The following PLEKHG4B variants were observed in gnomAD, a reference collection of about 807,000 sequenced individuals.
The protein encoded by PLEKHG4B is pleckstrin homology and RhoGEF domain containing G4B.
Under a neutral mutation model 121.3 loss-of-function variants are expected in PLEKHG4B, and 111 were observed. That is an observed-to-expected ratio of 0.92 (90% CI 0.78 to 1.07). The LOEUF (loss-of-function observed/expected upper bound fraction) is 1.07. PLEKHG4B is among the 50% of genes least tolerant of loss of function. PLEKHG4B has a pLI of 0.00. For synonymous variants in PLEKHG4B, 738 were observed against 725.0 expected (o/e 1.02, Z -0.29); for missense variants, 1,831 against 1,757.8 (o/e 1.04, Z -0.74).
chr5:172,299 G>A (rs1011719804), intron 16 of PLEKHG4B, among the ~76,000 whole-genome samples: 1 of 152,214 alleles, frequency 6.6e-6, no homozygotes, highest in Non-Finnish European at 1.5e-5. Flanking sequence ...TCTGCCAACC[G>A]TGCCCGTCAT....
chr5:110,576 G>A (rs1375678769), intron 1 of PLEKHG4B, among the ~76,000 whole-genome samples: 2 of 126,576 alleles, frequency 1.6e-5, no homozygotes, highest in Admixed American at 8.6e-5. Context: ...TGCAACACAC[G>A]CGCACACATC....
chr5:93,500 C>CA (rs56285408), intron 1 of PLEKHG4B, among the ~76,000 whole-genome samples: 3,208 of 152,130 alleles, frequency 0.021, 75 homozygotes, highest in Middle Eastern at 0.071. Flanking sequence ...GAAGTGGGTT[C>CA]ATATTCCTGC....
rs561001194 is a variant in PLEKHG4B, at chr5:137,396, T to C, written c.244-2087T>C. Among the ~76,000 whole-genome samples, 17 of 152,312 alleles carry C rather than the reference T, an allele frequency of 1.1e-4. No individual in the cohort carries two copies. Among genetic ancestry groups the C allele is most frequent in the South Asian group, 6.2e-4 (3 of 4,830 alleles). On this transcript the variant is annotated intron_variant, in intron 2 of 19. Transcript: ENST00000637938. The surrounding 1 kb of genome is among the most constrained non-coding windows in gnomAD (Gnocchi z 4.2). The stretch of plus-strand genomic sequence containing the variant: ...GAACTGTACCCCGTAAACATAGTTA[T>C]GCTGGTGAACTTCACATTATATCTG...
At chr5:128,624 C>T (rs1734690060) in intron 2 of PLEKHG4B, among the ~76,000 whole-genome samples, 1 of 152,168 alleles carries the variant, frequency 6.6e-6, no homozygotes. Context: ...TGAAATTGAC[C>T]ACAATCAACC....
At position 182,221 on chromosome 5, in the gene PLEKHG4B, C is replaced by T. The variant is rs757539301; in HGVS notation, c.4782C>T (p.Cys1594=). ...CCTGGTCATCTGATATCAGAGCCTGCGTCGAGGAAGATGAGCCAGAGCCAG... is the reference window on the plus strand; with the variant it reads ...CCTGGTCATCTGATATCAGAGCCTGTGTCGAGGAAGATGAGCCAGAGCCAG... ...HSPWSSDIRA[C]VEEDEPEPEL... Residue 1594 remains cysteine (C), a synonymous_variant, in exon 20 of 20, where the codon TGC becomes TGT. Transcript: ENST00000637938. 1.2e-5 allele frequency: 20 copies of T among 1,613,784 alleles called. No individual in the cohort carries two copies. Among genetic ancestry groups the T allele is most frequent in the Admixed American group, 5.0e-5 (3 of 60,028 alleles).
rs140454618 is a variant in PLEKHG4B at position 163,541 on chromosome 5, G to A, written c.3469G>A (p.Val1157Met). The stretch of plus-strand genomic sequence containing the variant: ...TGCTGAGGAGGATGGGAGGCAGCAG[G>A]TGGGCAGGTGAGGTGGACGTCCCCC... ...HPAEEDGRQQ[V>M]GSSRLRHIMA... Residue 1157 changes from valine (V) to methionine (M), a missense_variant, in exon 13 of 20, where the codon GTG becomes ATG. Val to Met is a conservative substitution (Grantham distance 21). Coordinates refer to ENST00000637938, the MANE Select transcript of PLEKHG4B (RefSeq NM_052909.5). 1.3e-5 allele frequency: 21 copies of A among 1,591,534 alleles called. No individual in the cohort carries two copies. The highest frequency in any genetic ancestry group is 6.7e-5 in the South Asian group (6 of 89,080).
rs1297756759 is a variant in PLEKHG4B, at chr5:185,537, C to A, written c.*3214C>A. Reference sequence around the variant, plus strand: ...AGGCCGCCCAGGCTCTAGCCACACTCTGGCACTGCCTGGGACAGGTGCCCT... The same window carrying A: ...AGGCCGCCCAGGCTCTAGCCACACTATGGCACTGCCTGGGACAGGTGCCCT... On this transcript the variant is annotated 3_prime_UTR_variant, in exon 20 of 20. Coordinates refer to ENST00000637938, the MANE Select transcript of PLEKHG4B (RefSeq NM_052909.5). 1.3e-5 allele frequency: 2 copies of A among 152,282 alleles called. No homozygotes were observed. The highest frequency in any genetic ancestry group is 2.9e-5 in the Non-Finnish European group (2 of 68,072). 9.4% of individuals were successfully genotyped at this position (152,282 alleles called of 1,614,324 possible). A position where few individuals can be genotyped will look rare whatever the true frequency, so the allele number is the denominator to read the frequency against.
rs147749961 is a variant in PLEKHG4B, at chr5:159,708, C to A, written c.2488-2075C>A. 3.9e-5 allele frequency among the ~76,000 whole-genome samples: 6 copies of A among 152,158 alleles called. No individual in the cohort carries two copies. On this transcript the variant is annotated intron_variant, in intron 11 of 19. Transcript: ENST00000637938. The surrounding 1 kb of genome is among the most constrained non-coding windows in gnomAD (Gnocchi z 5.5). The stretch of plus-strand genomic sequence containing the variant: ...CGCATCTTTAGCATTTTCTCCCTGG[C>A]GGTCTGATTCTTTTCCTCTAATCCC...
rs954959437 is a variant in PLEKHG4B at position 184,573 on chromosome 5, T to C, written c.*2250T>C. 6.6e-6 allele frequency: 1 copy of C among 152,292 alleles called. No homozygotes were observed. The highest frequency in any genetic ancestry group is 1.5e-5 in the Non-Finnish European group (1 of 68,062). 9.4% of individuals were successfully genotyped at this position (152,292 alleles called of 1,614,324 possible). On this transcript the variant is annotated 3_prime_UTR_variant, in exon 20 of 20. Transcript: ENST00000637938. ...CTGCACTACAAGAAATGTTAAATGA[T>C]GTGCTTCAGGGAAAAGAAAAATGAA...
chr5:97,217 C>T (rs1733654446), intron 1 of PLEKHG4B, among the ~76,000 whole-genome samples: 1 of 152,140 alleles, frequency 6.6e-6, no homozygotes, highest in Non-Finnish European at 1.5e-5. Context: ...AAGTCCAAAC[C>T]CCTTACCTGC....
chr5:135,264 A>G (rs920792355), intron 2 of PLEKHG4B, among the ~76,000 whole-genome samples: 12 of 152,020 alleles, frequency 7.9e-5, no homozygotes, highest in African/African-American at 2.9e-4. Flanking sequence ...AAATTTAACT[A>G]AAAAGGTAAA....
intron 6 of PLEKHG4B, among the ~76,000 whole-genome samples, chr5:148,190 A>G (rs1204811259): frequency 3.9e-5 from 6 of 152,106 alleles, no homozygotes; most frequent in African/African-American, 7.2e-5. Context: ...GCCCACTTCT[A>G]TTCAACATAT....
At chr5:144,730 A>G (rs971270035) in intron 5 of PLEKHG4B, 97 bp from the exon 6 acceptor site, 29 of 1,069,270 alleles carry the variant, frequency 2.7e-5, no homozygotes, top group Middle Eastern at 2.0e-4. Flanking sequence ...TAGAGCTGAA[A>G]GGAAACCAGT....
intron 2 of PLEKHG4B, among the ~76,000 whole-genome samples, chr5:125,827 A>C (rs976589430): frequency 1.3e-5 from 2 of 152,134 alleles, no homozygotes; most frequent in African/African-American, 4.8e-5. Flanking sequence ...TTATCTGGGA[A>C]TGTCTTAATT....
At chr5:101,127 G>T (rs890476423) in intron 1 of PLEKHG4B, among the ~76,000 whole-genome samples, 1 of 113,028 alleles carries the variant, frequency 8.8e-6, no homozygotes, top group Non-Finnish European at 1.7e-5. Flanking sequence ...TCCATATAAA[G>T]CCCTGGAAAA....
At position 140,546 on chromosome 5, in the gene PLEKHG4B, G is replaced by T; in HGVS notation, c.1307G>T (p.Arg436Ile). ...PGAAGRTLPR[R>I]SRSWERAPRS... is the part of the protein sequence containing the mutation. ...GCTGCAGGGCGGACTCTTCCCAGGAGATCTCGGTCCTGGGAAAGGGCACCC... is the reference window on the plus strand; with the variant it reads ...GCTGCAGGGCGGACTCTTCCCAGGATATCTCGGTCCTGGGAAAGGGCACCC... The change falls in exon 3 of 20, where the codon AGA (arginine) becomes ATA (isoleucine). Residue 436 changes from arginine (R) to isoleucine (I), a missense_variant. By Grantham distance (97) the Arg-to-Ile change is moderately conservative. Coordinates refer to ENST00000637938, the MANE Select transcript of PLEKHG4B (RefSeq NM_052909.5). 3 of 1,603,840 alleles carry T rather than the reference G, an allele frequency of 1.9e-6. No individual in the cohort carries two copies. The highest frequency in any genetic ancestry group is 2.6e-6 in the Non-Finnish European group (3 of 1,175,778).
At chr5:134,119 ATATG>A (rs1307779068) in intron 2 of PLEKHG4B, among the ~76,000 whole-genome samples, 15 of 108,412 alleles carry the variant, frequency 1.4e-4, no homozygotes, top group South Asian at 9.1e-4. Context: ...ATATATATAT[ATATG>A]TGATGGAATA....
At chr5:135,673 AAAAAAAAAAATATATATATATATATATAT>A (rs1734941470) in intron 2 of PLEKHG4B, among the ~76,000 whole-genome samples, 2 of 64,214 alleles carry the variant, frequency 3.1e-5, no homozygotes, top group Non-Finnish European at 5.8e-5. Flanking sequence ...CTCAAAAAAA[AAAAAAAAAAATATATATATATATATATAT>A]ATATATATAT....
At position 159,755 on chromosome 5, in the gene PLEKHG4B, C is replaced by T. The variant is rs1735930877; in HGVS notation, c.2488-2028C>T. The stretch of plus-strand genomic sequence containing the variant: ...TCCCGGCCTGAAAGGAGAGCCTGGC[C>T]GTAGCTCAGTGTTCACCTGCCAGGG... On this transcript the variant is annotated intron_variant, in intron 11 of 19. Coordinates refer to ENST00000637938, the MANE Select transcript of PLEKHG4B (RefSeq NM_052909.5). The surrounding 1 kb of genome is among the most constrained non-coding windows in gnomAD (Gnocchi z 5.5). Among the ~76,000 whole-genome samples the T allele has an allele frequency of 6.6e-6, 1 of 152,168 alleles. No homozygotes were observed. Among genetic ancestry groups the T allele is most frequent in the African/African-American group, 2.4e-5 (1 of 41,436 alleles).
Sources: gnomAD v4.1 joint callset for allele counts (sites outside exome capture counted in the v4.1 genomes callset) on GRCh38, gnomAD v4.1.1 for gene constraint, Gnocchi (gnomAD v3.1) non-coding constraint, MANE v1.5 for transcripts, NCBI Gene and HGNC (gene_info 2026-07-23, HGNC 2026-07-21) for gene names.